MICU2: variants seen among roughly 807,000 people sequenced by gnomAD.
The protein encoded by MICU2 is calcium uptake protein 2, mitochondrial.
MICU2 carries 64 observed loss-of-function variants against 60.4 expected under a neutral mutation model. That is an observed-to-expected ratio of 1.06 (90% CI 0.87 to 1.31). The LOEUF (loss-of-function observed/expected upper bound fraction) is 1.31, where lower values mean the gene tolerates loss of function less well. Among genes scored for constraint, MICU2 ranks in the 50% most tolerant of loss-of-function variants. MICU2 has a pLI of 0.00. For missense variants in MICU2, 569 were observed against 531.0 expected (o/e 1.07, Z -0.70); for synonymous variants, 201 against 175.0 (o/e 1.15, Z -1.17).
chr13:21,531,467 C>G (rs982880965), intron 4 of MICU2: 3 of 619,730 alleles, frequency 4.8e-6, no homozygotes, highest in Non-Finnish European at 8.6e-6. Context: ...AGAACTGATG[C>G]TCCTTGGGTG....
chr13:21,593,394 C>T (rs769030612), intron 1 of MICU2, among the ~76,000 whole-genome samples: 9 of 151,904 alleles, frequency 5.9e-5, no homozygotes, highest in Non-Finnish European at 1.3e-4. Flanking sequence ...ACATTCCTTG[C>T]TCATGGATAG....
chr13:21,508,145 A>G (rs1177791622), intron 8 of MICU2, among the ~76,000 whole-genome samples: 8 of 126,010 alleles, frequency 6.3e-5, no homozygotes, highest in Non-Finnish European at 9.7e-5. Flanking sequence ...TTTTTTTTTG[A>G]GACGGAGTCT....
At chr13:21,579,932 C>T (rs980530728) in intron 1 of MICU2, among the ~76,000 whole-genome samples, 1 of 152,048 alleles carries the variant, frequency 6.6e-6, no homozygotes, top group South Asian at 2.1e-4. Context: ...ACAAGTTTTG[C>T]GGTTTTTTTG....
At chr13:21,601,095 C>T (rs1183797907) in intron 1 of MICU2, among the ~76,000 whole-genome samples, 1 of 151,930 alleles carries the variant, frequency 6.6e-6, no homozygotes, top group African/African-American at 2.4e-5. Flanking sequence ...CAGGCCCGGC[C>T]GGACATATTC....
At chr13:21,514,257 G>T in intron 7 of MICU2, 96 bp downstream of exon 7, 1 of 1,053,602 alleles carries the variant, frequency 9.5e-7, no homozygotes, top group Non-Finnish European at 1.4e-6. Flanking sequence ...TTAAATTGCT[G>T]ATACCAAATC....
At chr13:21,558,658 G>A (rs1486811567) in intron 2 of MICU2, among the ~76,000 whole-genome samples, 2 of 152,108 alleles carry the variant, frequency 1.3e-5, no homozygotes, top group African/African-American at 4.8e-5. Context: ...GTGGGCTGGG[G>A]TTCTGGGGTT....
rs775005484 is a variant in MICU2, at chr13:21,496,156, AT to A, written c.937del (p.Ile313LeufsTer28). The A allele has an allele frequency of 6.2e-6, 10 of 1,608,484 alleles. No individual in the cohort carries two copies. The African/African-American group carries it at 1.3e-4, about 22-fold the overall frequency. Reference protein sequence around the residue: ...VREKLSAGESISLDEFKSFCH... With the variant: ...VREKLSAGESXSLDEFKSFCH... Reference sequence around the variant, plus strand: ...AAATGACTTGAATTCATCCAAACTAATGCTCTAATAAAGTAAGAGTTTTTAT... The same window carrying A: ...AAATGACTTGAATTCATCCAAACTAAGCTCTAATAAAGTAAGAGTTTTTAT... On this transcript the variant is annotated frameshift_variant, in exon 10 of 12. Transcript: ENST00000382374. LOFTEE classifies it high-confidence loss of function.
intron 2 of MICU2, among the ~76,000 whole-genome samples, chr13:21,566,511 T>G (rs935593388): frequency 5.9e-5 from 9 of 151,824 alleles, no homozygotes; most frequent in African/African-American, 2.2e-4. Context: ...TTTTTTTTTT[T>G]GGCCCAATTT....
intron 2 of MICU2, among the ~76,000 whole-genome samples, chr13:21,548,696 C>T (rs1332241648): frequency 2.0e-5 from 3 of 152,164 alleles, no homozygotes; most frequent in Admixed American, 6.5e-5. Flanking sequence ...CCCTTTACCA[C>T]AATTGACACC....
chr13:21,600,089 C>A (rs1297486793), intron 1 of MICU2, among the ~76,000 whole-genome samples: 1 of 152,054 alleles, frequency 6.6e-6, no homozygotes, highest in African/African-American at 2.4e-5. Context: ...TTCATGGATC[C>A]CCTAAATTCT....
At chr13:21,576,902 G>A (rs1888239191) in intron 1 of MICU2, among the ~76,000 whole-genome samples, 1 of 152,102 alleles carries the variant, frequency 6.6e-6, no homozygotes, top group Admixed American at 6.5e-5. Context: ...TTTTGAGACA[G>A]TTTTGCTCTA....
intron 1 of MICU2, among the ~76,000 whole-genome samples, chr13:21,577,988 A>G (rs199841600): frequency 2.7e-5 from 2 of 74,676 alleles, no homozygotes; most frequent in African/African-American, 6.0e-5. Flanking sequence ...AAAATTTAAA[A>G]TAATAATAAT....
chr13:21,590,651 G>C (rs899238503), intron 1 of MICU2, among the ~76,000 whole-genome samples: 1 of 152,096 alleles, frequency 6.6e-6, no homozygotes, highest in South Asian at 2.1e-4. Flanking sequence ...TCAAGAGATC[G>C]AGACCATCGT....
At chr13:21,502,728 A>C in intron 9 of MICU2, 198 bp downstream of exon 9, 1 of 475,902 alleles carries the variant, frequency 2.1e-6, no homozygotes, top group South Asian at 3.5e-5. Flanking sequence ...GGAAATGGAA[A>C]ACTTGTAATT....
chr13:21,540,605 A>T (rs1004795820), intron 2 of MICU2, among the ~76,000 whole-genome samples: 4 of 152,160 alleles, frequency 2.6e-5, no homozygotes, highest in African/African-American at 9.6e-5. Context: ...AACTGTCAGG[A>T]TTTTATTTTT....
chr13:21,578,712 T>C (rs1405887290), intron 1 of MICU2, among the ~76,000 whole-genome samples: 1 of 152,248 alleles, frequency 6.6e-6, no homozygotes, highest in African/African-American at 2.4e-5. Context: ...AGGTATATAC[T>C]CTGCTATGTG....
In MICU2 at chr13:21,507,119, T is replaced by C. The variant is rs531432978; in HGVS notation, c.761+2885A>G. 3.9e-5 allele frequency among the ~76,000 whole-genome samples: 6 copies of C among 152,340 alleles called. No individual in the cohort carries two copies. The South Asian group carries it at 1.2e-3, about 32-fold the overall frequency. On this transcript the variant is annotated intron_variant, in intron 8 of 11. Transcript: ENST00000382374. ...CACTTTGCAATATCTAAGAAAGCTC[T>C]TGAAAAATTTCATTTTTAAAGTTTT...
intron 1 of MICU2, among the ~76,000 whole-genome samples, chr13:21,602,969 CTTTTT>C (rs11291826): frequency 7.4e-6 from 1 of 134,580 alleles, no homozygotes; most frequent in Non-Finnish European, 1.7e-5. Context: ...GAACTTGAAT[CTTTTT>C]TTTTTTTTTT....
At chr13:21,570,640 T>C (rs1312859239) in intron 1 of MICU2, among the ~76,000 whole-genome samples, 1 of 152,240 alleles carries the variant, frequency 6.6e-6, no homozygotes, top group Non-Finnish European at 1.5e-5. Flanking sequence ...TTTGTTTCAC[T>C]GTACTGTGCA....
Sources: gnomAD v4.1 joint callset for allele counts (sites outside exome capture counted in the v4.1 genomes callset) on GRCh38, gnomAD v4.1.1 for gene constraint, MANE v1.5 for transcripts, NCBI Gene and HGNC (gene_info 2026-07-23, HGNC 2026-07-21) for gene names.